Variants in TBCD observed in about 807,000 individuals in gnomAD.
The protein encoded by TBCD is tubulin-specific chaperone D.
Under a neutral mutation model 169.3 loss-of-function variants are expected in TBCD, and 105 were observed. That is an observed-to-expected ratio of 0.62 (90% CI 0.53 to 0.73). The LOEUF is 0.73. TBCD is among the 30% of genes least tolerant of loss of function. TBCD has a pLI of 0.00. For missense variants in TBCD, 1,444 were observed against 1,600.1 expected (o/e 0.90, Z 1.66); for synonymous variants, 700 against 643.9 (o/e 1.09, Z -1.32).
rs764864336 is a variant in TBCD at position 82,884,867 on chromosome 17, C to T, written c.1533+665C>T. The T allele has an allele frequency of 1.4e-4, 22 of 152,750 alleles. No homozygotes were observed. The highest frequency in any genetic ancestry group is 2.8e-4 in the Non-Finnish European group (19 of 68,512). 9.5% of individuals were successfully genotyped at this position (152,750 alleles called of 1,614,324 possible). A position where few individuals can be genotyped will look rare whatever the true frequency, so the allele number is the denominator to read the frequency against. On this transcript the variant is annotated intron_variant, in intron 15 of 38. Transcript: ENST00000355528. This position sits in a 1 kb window ranked among gnomAD's most constrained non-coding sequence, Gnocchi z 4.2. ...GACCACAGAGAGCGGACAGTTGAGA[C>T]GGTGGACCAGTCTCAAGATAAGAGT...
intron 13 of TBCD, among the ~76,000 whole-genome samples, chr17:82,825,072 A>C (rs370219686): frequency 7.6e-4 from 116 of 152,100 alleles, no homozygotes; most frequent in Middle Eastern, 6.8e-3. Context: ...GGAGTGTAGA[A>C]TTTTCACAGT....
intron 6 of TBCD, among the ~76,000 whole-genome samples, chr17:82,774,693 G>A (rs911696742): frequency 3.3e-5 from 5 of 152,220 alleles, no homozygotes; most frequent in Non-Finnish European, 5.9e-5. Context: ...CCACCCGAGT[G>A]TGTCTACCTG....
At chr17:82,828,286 C>T in intron 13 of TBCD, among the ~76,000 whole-genome samples, 1 of 117,714 alleles carries the variant, frequency 8.5e-6, no homozygotes, top group South Asian at 3.0e-4. Flanking sequence ...ACACACACCC[C>T]CCCACAGGCA....
At position 82,836,842 on chromosome 17, in the gene TBCD, T is replaced by G. The variant is rs938909645; in HGVS notation, c.1318+21908T>G. Among the ~76,000 whole-genome samples, 4 of 152,198 alleles carry G rather than the reference T, an allele frequency of 2.6e-5. No homozygotes were observed. The South Asian group carries it at 6.2e-4, about 24-fold the overall frequency. ...AATAGTAATTAGGGAAATAATTGCT[T>G]TTAAATGAATATGTCTGTTTTCTAG... is the stretch of plus-strand genomic sequence containing the variant. On this transcript the variant is annotated intron_variant, in intron 13 of 38. Transcript: ENST00000355528.
At position 82,781,675 on chromosome 17, in the gene TBCD, A is replaced by G. The variant is rs1347156825; in HGVS notation, c.725A>G (p.Gln242Arg). ...TGCAATCTGGCCCGTTCCTCCTTCC[A>G]GACCATGCAGGGGGTCATCACCATG... ...SLCNLARSSF[Q>R]TMQGVITMDG... Residue 242 changes from glutamine to arginine, a missense_variant, in exon 7 of 39, where the codon CAG (glutamine) becomes CGG (arginine). Transcript: ENST00000355528. The G allele has an allele frequency of 6.2e-7, 1 of 1,613,842 alleles. No homozygotes were observed. The highest frequency in any genetic ancestry group is 8.5e-7 in the Non-Finnish European group (1 of 1,179,870).
rs570731699 is a variant in TBCD at position 82,850,296 on chromosome 17, T to C, written c.1319-19928T>C. Among the ~76,000 whole-genome samples, 330 of 138,668 alleles carry C rather than the reference T, an allele frequency of 2.4e-3. 4 individuals are homozygous for C. The highest frequency in any genetic ancestry group is 6.6e-3 in the African/African-American group (250 of 37,940). The allele number at this position is 138,668 out of a possible 152,430, so 91.0% of individuals were successfully genotyped here. The stretch of plus-strand genomic sequence containing the variant: ...GGCTGTGCTGCTGTTGGCTGTGCTG[T>C]TGTTGGCTGTGCTCTTCTGCTGTTG... On this transcript the variant is annotated intron_variant, in intron 13 of 38. Coordinates refer to ENST00000355528, the MANE Select transcript of TBCD (RefSeq NM_005993.5).
intron 23 of TBCD, among the ~76,000 whole-genome samples, chr17:82,919,634 T>C (rs564642135): frequency 6.6e-6 from 1 of 152,212 alleles, no homozygotes; most frequent in Admixed American, 6.5e-5. Context: ...AGTACCAGGT[T>C]ACTTCACATC....
rs78568679 is a variant in TBCD at position 82,806,965 on chromosome 17, C to T, written c.1088-643C>T. Reference sequence around the variant, plus strand: ...CCCAGGTTCATTCCCGTCTCCCACCCGCTGCAGGCAGTCCCCCCTGCCCGC... The same window carrying T: ...CCCAGGTTCATTCCCGTCTCCCACCTGCTGCAGGCAGTCCCCCCTGCCCGC... On this transcript the variant is annotated intron_variant, in intron 10 of 38. Transcript: ENST00000355528. The surrounding 1 kb of genome is among the most constrained non-coding windows in gnomAD (Gnocchi z 5.1). Among the ~76,000 whole-genome samples, 90 of 152,340 alleles carry T rather than the reference C, an allele frequency of 5.9e-4. No homozygotes were observed. In the East Asian group the frequency reaches 0.013, roughly 22 times the overall value.
chr17:82,787,465 C>T (rs1283144750), intron 7 of TBCD, among the ~76,000 whole-genome samples: 2 of 152,202 alleles, frequency 1.3e-5, no homozygotes, highest in Non-Finnish European at 2.9e-5. Flanking sequence ...TGTGTTGTTT[C>T]CTTCTGTCTC....
At chr17:82,886,672 TCCCCTCCC>T (rs2058732579) in intron 15 of TBCD, among the ~76,000 whole-genome samples, 2 of 8,292 alleles carry the variant, frequency 2.4e-4, no homozygotes, top group Non-Finnish European at 2.6e-4. Context: ...TCCCCTCCCC[TCCCCTCCC>T]CTCCCCTCCC....
At chr17:82,838,993 G>A (rs1264364154) in intron 13 of TBCD, 1 of 984,668 alleles carries the variant, frequency 1.0e-6, no homozygotes, top group East Asian at 1.1e-4. Context: ...TCAAGTTTAT[G>A]AGAAATTTCA....
At chr17:82,812,761 T>A (rs1409364626) in intron 12 of TBCD, among the ~76,000 whole-genome samples, 1 of 152,220 alleles carries the variant, frequency 6.6e-6, no homozygotes, top group Non-Finnish European at 1.5e-5. Flanking sequence ...CAGTCGGGTC[T>A]CTGTCTCCTG....
In TBCD at chr17:82,789,621, C is replaced by A. The variant is rs921971421; in HGVS notation, c.771+7900C>A. ...TCCCCTGCCCCGCCCTCACCTGGCT[C>A]ACAGACCCGTGATGCCTCACTGCCC... is the stretch of plus-strand genomic sequence containing the variant. On this transcript the variant is annotated intron_variant, in intron 7 of 38. Transcript: ENST00000355528. The surrounding 1 kb of genome is among the most constrained non-coding windows in gnomAD (Gnocchi z 4.8). Among the ~76,000 whole-genome samples the A allele has an allele frequency of 2.0e-5, 3 of 152,220 alleles. No homozygotes were observed. Among genetic ancestry groups the A allele is most frequent in the African/African-American group, 7.2e-5 (3 of 41,454 alleles).
At chr17:82,778,642 T>A (rs2144229852) in intron 6 of TBCD, among the ~76,000 whole-genome samples, 1 of 151,690 alleles carries the variant, frequency 6.6e-6, no homozygotes, top group Non-Finnish European at 1.5e-5. Context: ...TTTCTTTTTT[T>A]TTTTTTGAGA....
Position 82,800,935 on chromosome 17 carries a change from G to A in TBCD, c.889G>A (p.Gly297Arg). ...ESNQTLLRKL[G>R]VKLVQRLGLT... ...CAACCAGACCCTGCTGCGGAAGCTG[G>A]GGGTGAAGCTTGTGCAGCGACTGGG... Residue 297 changes from glycine (G) to arginine (R), a missense_variant, in exon 9 of 39, where the codon GGG becomes AGG. Coordinates refer to ENST00000355528, the MANE Select transcript of TBCD (RefSeq NM_005993.5). 1 of 1,612,634 alleles carries A rather than the reference G, an allele frequency of 6.2e-7. No homozygotes were observed. Among genetic ancestry groups the A allele is most frequent in the Non-Finnish European group, 8.5e-7 (1 of 1,179,544 alleles).
chr17:82,805,263 C>T (rs2050874750), intron 9 of TBCD, among the ~76,000 whole-genome samples: 1 of 152,246 alleles, frequency 6.6e-6, no homozygotes, highest in Non-Finnish European at 1.5e-5. Context: ...TGTTCAGAAT[C>T]ACACAGCAAG....
chr17:82,848,289 G>C (rs981999412), intron 13 of TBCD, among the ~76,000 whole-genome samples: 1 of 152,204 alleles, frequency 6.6e-6, no homozygotes, highest in Admixed American at 6.5e-5. Flanking sequence ...TTTAAACAGC[G>C]TCCTGTCGCT....
intron 13 of TBCD, chr17:82,830,993 A>G: frequency 6.2e-7 from 1 of 1,613,864 alleles, no homozygotes; most frequent in Non-Finnish European, 8.5e-7. Context: ...ATTCCCTTGG[A>G]GGTTTTGAAA....
At chr17:82,855,361 C>T (rs1368430526) in intron 13 of TBCD, among the ~76,000 whole-genome samples, 2 of 146,692 alleles carry the variant, frequency 1.4e-5, no homozygotes, top group Admixed American at 7.2e-5. Flanking sequence ...GCCTCCTGGA[C>T]TAAAGCGATC....
Sources: allele counts gnomAD v4.1 joint callset (sites outside exome capture counted in the v4.1 genomes callset), GRCh38; gene constraint gnomAD v4.1.1; non-coding constraint Gnocchi (gnomAD v3.1); transcripts MANE v1.5; gene names NCBI Gene and HGNC (gene_info 2026-07-23, HGNC 2026-07-21).